The following MYLK4 variants were observed in gnomAD, a reference collection of about 807,000 sequenced individuals.
MYLK4 encodes the protein caMLCK like.
A neutral mutation model predicts 48.1 loss-of-function variants in MYLK4; 46 were observed. That is an observed-to-expected ratio of 0.96 (90% CI 0.75 to 1.22). MYLK4 has a LOEUF of 1.22. Among genes scored for constraint, MYLK4 ranks in the 50% most tolerant of loss-of-function variants. The pLI is 0.00. For synonymous variants in MYLK4, 170 were observed against 180.8 expected, an observed-to-expected ratio of 0.94 and a Z score of 0.48; for missense variants, 451 against 486.1, an observed-to-expected ratio of 0.93 and a Z score of 0.68.
At chr6:2,694,523 G>A (rs1413098853) in intron 2 of MYLK4, among the ~76,000 whole-genome samples, 12 of 1,628 alleles carry the variant, frequency 7.4e-3, no homozygotes, top group Admixed American at 0.014. Flanking sequence ...CGGTGGTGGT[G>A]GTGGTGGTAG....
chr6:2,673,572 C>T lies in MYLK4; in HGVS notation c.1119+1475G>A, dbSNP rs931664275. Among the ~76,000 whole-genome samples, 1 of 152,134 alleles carries T rather than the reference C, an allele frequency of 6.6e-6. No homozygotes were observed. Among genetic ancestry groups the T allele is most frequent in the Non-Finnish European group, 1.5e-5 (1 of 68,016 alleles). ...AAACCCATGCTATACCAGGGCAGGG[C>T]ACCAGCCACCCTAACTGATAGGTAC... On this transcript the variant is annotated intron_variant, in intron 11 of 12. Transcript: ENST00000274643. This position sits in a 1 kb window ranked among gnomAD's most constrained non-coding sequence, Gnocchi z 4.2.
intron 2 of MYLK4, among the ~76,000 whole-genome samples, chr6:2,732,093 T>A (rs1763497135): frequency 6.6e-6 from 1 of 152,256 alleles, no homozygotes; most frequent in Non-Finnish European, 1.5e-5. Context: ...GATCATAGCC[T>A]CTAAGACGTA....
the MYLK4 span, among the ~76,000 whole-genome samples, chr6:2,760,153 T>C: frequency 6.6e-6 from 1 of 152,022 alleles, no homozygotes; most frequent in African/African-American, 2.4e-5. Context: ...CAAAAAATAA[T>C]ACAAATAAAA....
rs567451570 is a variant in MYLK4 at position 2,673,920 on chromosome 6, C to T, written c.1119+1127G>A. Among the ~76,000 whole-genome samples the T allele has an allele frequency of 2.6e-5, 4 of 152,068 alleles. No individual in the cohort carries two copies. Among genetic ancestry groups the T allele is most frequent in the East Asian group, 3.9e-4 (2 of 5,174 alleles). ...GTAAATTAAACATGAGATGGGGGCT[C>T]GAGGGAGAGGAAGGAAGCAAAGAAG... is the stretch of plus-strand genomic sequence containing the variant. On this transcript the variant is annotated intron_variant, in intron 11 of 12. Transcript: ENST00000274643. The surrounding 1 kb of genome is among the most constrained non-coding windows in gnomAD (Gnocchi z 4.2).
At chr6:2,690,069 A>G (rs1393680959) in intron 3 of MYLK4, among the ~76,000 whole-genome samples, 1 of 152,206 alleles carries the variant, frequency 6.6e-6, no homozygotes, top group African/African-American at 2.4e-5. Context: ...GTTAGACTAA[A>G]TGAAATTTAG....
chr6:2,712,806 AC>A (rs1762722438), intron 2 of MYLK4, among the ~76,000 whole-genome samples: 3 of 152,186 alleles, frequency 2.0e-5, no homozygotes, highest in Non-Finnish European at 4.4e-5. Context: ...CTTGCTTCAA[AC>A]CCTGAAAAGT....
chr6:2,727,870 C>T (rs1303017599), intron 2 of MYLK4, among the ~76,000 whole-genome samples: 1 of 151,444 alleles, frequency 6.6e-6, no homozygotes, highest in Non-Finnish European at 1.5e-5. Flanking sequence ...TCGCTTGAAC[C>T]CGGGAGGCAG....
rs572249793 is a variant in MYLK4, at chr6:2,713,649, A to G, written c.160-20790T>C. ...CACAAAGCTGCCCTGGTATTACGTTAAAGAGAACTCACTCCCCATCCCATG... is the reference window on the plus strand; with the variant it reads ...CACAAAGCTGCCCTGGTATTACGTTGAAGAGAACTCACTCCCCATCCCATG... On this transcript the variant is annotated intron_variant, in intron 2 of 12. Coordinates refer to ENST00000274643, the MANE Select transcript of MYLK4 (RefSeq NM_001012418.5). 3.9e-5 allele frequency among the ~76,000 whole-genome samples: 6 copies of G among 152,268 alleles called. No individual in the cohort carries two copies. In the South Asian group the frequency reaches 1.2e-3, roughly 32 times the overall value.
intron 3 of MYLK4, among the ~76,000 whole-genome samples, chr6:2,690,085 A>G (rs1049074206): frequency 2.6e-5 from 4 of 152,202 alleles, no homozygotes; most frequent in Non-Finnish European, 5.9e-5. Context: ...TTTAGTCTGT[A>G]ATGCTTGCTG....
chr6:2,683,046 A>C lies in MYLK4; in HGVS notation c.662T>G (p.Met221Arg). The change falls in exon 7 of 13, where the codon ATG (methionine) becomes AGG (arginine). Residue 221 changes from methionine to arginine, a missense_variant. Physicochemically the swap from Met to Arg is moderately conservative, Grantham distance 91. Coordinates refer to ENST00000274643, the MANE Select transcript of MYLK4 (RefSeq NM_001012418.5). Reference sequence around the variant, plus strand: ...CTTCAGGTCCAAGTGGAGAATGTACATCTGATGCATGTGCCTTATCCCCTC... The same window carrying C: ...CTTCAGGTCCAAGTGGAGAATGTACCTCTGATGCATGTGCCTTATCCCCTC... Reference protein sequence around the residue: ...ICEGIRHMHQMYILHLDLKPE... With the variant: ...ICEGIRHMHQRYILHLDLKPE... The C allele has an allele frequency of 6.2e-7, 1 of 1,614,194 alleles. No homozygotes were observed. Among genetic ancestry groups the C allele is most frequent in the Non-Finnish European group, 8.5e-7 (1 of 1,180,042 alleles).
Position 2,720,273 on chromosome 6 carries a change from T to G in MYLK4, c.160-27414A>C, listed in dbSNP as rs369053102. 1.8e-3 allele frequency among the ~76,000 whole-genome samples: 274 copies of G among 151,986 alleles called. 1 individual carries two copies. The highest frequency in any genetic ancestry group is 6.2e-3 in the African/African-American group (258 of 41,470). ...CAAAAAATTAGCCGGGCGTGATGGC[T>G]GGCACCTGTAGTCCCAGCTACTCGG... On this transcript the variant is annotated intron_variant, in intron 2 of 12. Coordinates refer to ENST00000274643, the MANE Select transcript of MYLK4 (RefSeq NM_001012418.5).
chr6:2,688,714 T>C, intron 4 of MYLK4, 137 bp downstream of exon 4: 1 of 717,552 alleles, frequency 1.4e-6, no homozygotes. Context: ...GTGACAATTT[T>C]CAGAAATGGT....
chr6:2,700,206 G>A (rs879328757), intron 2 of MYLK4, among the ~76,000 whole-genome samples: 5 of 151,844 alleles, frequency 3.3e-5, no homozygotes, highest in Admixed American at 2.0e-4. Context: ...TCACCCTGCC[G>A]CCCCACCACC....
At position 2,671,332 on chromosome 6, in the gene MYLK4, C is replaced by T; in HGVS notation, c.1136G>A (p.Gly379Asp). The stretch of plus-strand genomic sequence containing the variant: ...GGTCACAAAGTCCTGGGCATCAGAG[C>T]CACGATTCTTCTTCTTCTAGGGAAA... ...RLNAQKKKNR[G>D]SDAQDFVTK The change falls in exon 12 of 13, where the codon GGC (glycine) becomes GAC (aspartate). Residue 379 changes from glycine (G) to aspartate (D), a missense_variant. Physicochemically the swap from Gly to Asp is moderately conservative, Grantham distance 94. Transcript: ENST00000274643. 2 of 1,614,048 alleles carry T rather than the reference C, an allele frequency of 1.2e-6. No individual in the cohort carries two copies. Among genetic ancestry groups the T allele is most frequent in the Non-Finnish European group, 1.7e-6 (2 of 1,179,990 alleles).
chr6:2,682,230 A>G (rs1761336408), intron 7 of MYLK4, among the ~76,000 whole-genome samples: 1 of 152,224 alleles, frequency 6.6e-6, no homozygotes, highest in Admixed American at 6.5e-5. Flanking sequence ...AAACAGGGAA[A>G]TGAGAAAATG....
In MYLK4 at chr6:2,666,061, G is replaced by C. The variant is rs1056867540; in HGVS notation, c.*1864C>G. On this transcript the variant is annotated 3_prime_UTR_variant, in exon 13 of 13. Coordinates refer to ENST00000274643, the MANE Select transcript of MYLK4 (RefSeq NM_001012418.5). ...AACGCATCATAATGTAAGAGCAAAG[G>C]CTGGAAAGGAGTCAGTTTTATAACT... The C allele has an allele frequency of 1.3e-5, 2 of 152,172 alleles. No homozygotes were observed. The highest frequency in any genetic ancestry group is 4.8e-5 in the African/African-American group (2 of 41,444). The allele number at this position is 152,172 out of a possible 1,614,324, so 9.4% of individuals were successfully genotyped here.
intron 2 of MYLK4, among the ~76,000 whole-genome samples, chr6:2,720,272 C>T (rs1763022907): frequency 1.3e-5 from 2 of 152,008 alleles, no homozygotes; most frequent in African/African-American, 2.4e-5. Flanking sequence ...GGCGTGATGG[C>T]TGGCACCTGT....
At chr6:2,702,514 T>A in intron 2 of MYLK4, among the ~76,000 whole-genome samples, 1 of 152,196 alleles carries the variant, frequency 6.6e-6, no homozygotes, top group East Asian at 1.9e-4. Context: ...GGCGGAAAGA[T>A]GAGCTGTTGA....
chr6:2,688,279 G>A (rs1025912637), intron 4 of MYLK4, among the ~76,000 whole-genome samples: 4 of 152,034 alleles, frequency 2.6e-5, no homozygotes, highest in Admixed American at 2.0e-4. Context: ...GGATGGTCTC[G>A]AACTCCTGAC....
Sources: gnomAD v4.1 joint callset for allele counts (sites outside exome capture counted in the v4.1 genomes callset) on GRCh38, gnomAD v4.1.1 for gene constraint, Gnocchi (gnomAD v3.1) non-coding constraint, MANE v1.5 for transcripts, NCBI Gene and HGNC (gene_info 2026-07-23, HGNC 2026-07-21) for gene names.